Variants in RHOT1 observed in about 807,000 individuals in gnomAD.
RHOT1 encodes mitochondrial Rho GTPase 1.
Under a neutral mutation model 95.3 loss-of-function variants are expected in RHOT1, and 27 were observed. The observed-to-expected ratio is 0.28, with a 90% CI of 0.21 to 0.39. The LOEUF (loss-of-function observed/expected upper bound fraction) is 0.39, where lower values mean the gene tolerates loss of function less well. Ranked by LOEUF, RHOT1 falls within the 10% of genes least tolerant of loss-of-function variation. The pLI, the probability that RHOT1 is intolerant of heterozygous loss-of-function variation, is 1.00. For missense variants in RHOT1, 578 were observed against 786.7 expected, an observed-to-expected ratio of 0.73 and a Z score of 3.17; for synonymous variants, 227 against 263.5, an observed-to-expected ratio of 0.86 and a Z score of 1.34.
chr17:32,209,278 T>G, intron 18 of RHOT1: 1 of 745,696 alleles, frequency 1.3e-6, no homozygotes, highest in Non-Finnish European at 2.1e-6. Flanking sequence ...GTCATTCCTA[T>G]TATTATAGAA....
chr17:32,190,158 T>A (rs1245762082), intron 8 of RHOT1, among the ~76,000 whole-genome samples: 1 of 152,156 alleles, frequency 6.6e-6, no homozygotes, highest in East Asian at 1.9e-4. Flanking sequence ...CAAGCTTTAA[T>A]GAAAAGTGCA....
At chr17:32,186,304 A>G (rs2036046154) in intron 8 of RHOT1, among the ~76,000 whole-genome samples, 2 of 150,540 alleles carry the variant, frequency 1.3e-5, no homozygotes, top group South Asian at 4.2e-4. Flanking sequence ...GTAATTTTTC[A>G]TGTGCTTATT....
intron 1 of RHOT1, among the ~76,000 whole-genome samples, chr17:32,169,778 G>C (rs762564612): frequency 1.3e-5 from 2 of 152,112 alleles, no homozygotes; most frequent in Non-Finnish European, 2.9e-5. Flanking sequence ...AGCTGAGGCA[G>C]GTGGATTGCT....
At chr17:32,211,374 A>C in intron 19 of RHOT1, 136 bp downstream of exon 19, 10 of 682,264 alleles carry the variant, frequency 1.5e-5, no homozygotes, top group Non-Finnish European at 2.0e-5. Context: ...TAAAATTCTC[A>C]CTGTGATGAC....
In RHOT1 at chr17:32,211,194, G is replaced by C; in HGVS notation, c.1818G>C (p.Leu606Phe). 5.6e-6 allele frequency: 9 copies of C among 1,612,564 alleles called. No homozygotes were observed. The highest frequency in any genetic ancestry group is 7.6e-6 in the Non-Finnish European group (9 of 1,178,894). ...GTCAGAACTTCCTCAACTCAGACTT[G>C]CTGCAATCTGTAAAGAACAAAATCT... is the stretch of plus-strand genomic sequence containing the variant. ...CICQNFLNSDLLQSVKNKIFT... is the reference protein window; with the variant it reads ...CICQNFLNSDFLQSVKNKIFT... The change falls in exon 19 of 20, where the codon TTG becomes TTC. Residue 606 changes from leucine to phenylalanine, a missense_variant. Physicochemically the swap from Leu to Phe is conservative, Grantham distance 22. This residue lies in a region of RHOT1 where 296 missense variants were observed against 338.5 expected (regional missense o/e 0.87). Coordinates refer to ENST00000545287, the MANE Select transcript of RHOT1 (RefSeq NM_001033566.3).
At chr17:32,184,163 A>G (rs188132171) in intron 8 of RHOT1, among the ~76,000 whole-genome samples, 19 of 152,310 alleles carry the variant, frequency 1.2e-4, no homozygotes, top group African/African-American at 4.1e-4. Context: ...AAGTTATGCA[A>G]TCATCACCAC....
At chr17:32,209,555 G>A (rs908353176) in intron 18 of RHOT1, 6 of 636,308 alleles carry the variant, frequency 9.4e-6, no homozygotes, top group Non-Finnish European at 2.7e-6. Flanking sequence ...ATGTAGAAAC[G>A]CACTGCTTGG....
chr17:32,158,616 C>T (rs902584817), intron 1 of RHOT1, among the ~76,000 whole-genome samples: 6 of 151,998 alleles, frequency 3.9e-5, no homozygotes, highest in Non-Finnish European at 5.9e-5. Flanking sequence ...CATGCCACCA[C>T]GCCCGGCTAA....
Position 32,182,855 on chromosome 17 carries a change from C to A in RHOT1, c.428C>A (p.Thr143Asn). 1 of 1,548,588 alleles carries A rather than the reference C, an allele frequency of 6.5e-7. No homozygotes were observed. The highest frequency in any genetic ancestry group is 8.9e-7 in the Non-Finnish European group (1 of 1,128,904). ...ATGAACCAGTATACAGAAATAGAAA[C>A]CTGTGTGGAGGTATGCCTTGTAATT... ...PIMNQYTEIE[T>N]CVECSAKNLK... Residue 143 changes from threonine to asparagine, a missense_variant, in exon 7 of 20, where the codon ACC (threonine) becomes AAC (asparagine). Around this residue, in one of 4 missense-constraint regions of RHOT1, gnomAD observed 227 missense variants for 316.0 expected, o/e 0.72. Transcript: ENST00000545287.
chr17:32,200,409 G>A, intron 13 of RHOT1, among the ~76,000 whole-genome samples: 1 of 152,088 alleles, frequency 6.6e-6, no homozygotes, highest in South Asian at 2.1e-4. Context: ...AGATGGAGTA[G>A]AGAGAGGAAT....
intron 19 of RHOT1, among the ~76,000 whole-genome samples, chr17:32,221,383 A>T (rs1315217546): frequency 6.6e-6 from 1 of 151,928 alleles, no homozygotes; most frequent in African/African-American, 2.4e-5. Context: ...AAAAAAAAAA[A>T]AAAAGAAAGA....
At chr17:32,156,468 A>C (rs1034560911) in intron 1 of RHOT1, among the ~76,000 whole-genome samples, 2 of 152,100 alleles carry the variant, frequency 1.3e-5, no homozygotes, top group African/African-American at 4.8e-5. Flanking sequence ...GCGGGGTCTC[A>C]CTGTGTTGCC....
chr17:32,211,394 T>C (rs571897670), intron 19 of RHOT1, 156 bp downstream of exon 19: 10 of 551,342 alleles, frequency 1.8e-5, no homozygotes, highest in East Asian at 3.0e-5. Context: ...CAATGTTTAG[T>C]TTTGGAAGCA....
intron 19 of RHOT1, among the ~76,000 whole-genome samples, chr17:32,212,387 C>A (rs1451767711): frequency 6.6e-6 from 1 of 152,192 alleles, no homozygotes; most frequent in Non-Finnish European, 1.5e-5. Context: ...TTGAAGGGAT[C>A]ACCGCACCCA....
At chr17:32,206,441 C>CT (rs34176535) in intron 16 of RHOT1, among the ~76,000 whole-genome samples, 1,599 of 67,060 alleles carry the variant, frequency 0.024, 375 homozygotes, top group Non-Finnish European at 0.034. Flanking sequence ...TCTATACTTT[C>CT]TTTTTTTTTT....
chr17:32,173,677 C>T (rs760895222), intron 2 of RHOT1, among the ~76,000 whole-genome samples, 154 bp from the exon 3 acceptor site: 2 of 150,446 alleles, frequency 1.3e-5, no homozygotes, highest in Non-Finnish European at 3.0e-5. Flanking sequence ...CGCACCACTG[C>T]ACTCTAGCCT....
At chr17:32,187,615 C>T (rs747828188) in intron 8 of RHOT1, among the ~76,000 whole-genome samples, 35 of 152,264 alleles carry the variant, frequency 2.3e-4, no homozygotes, top group East Asian at 3.9e-4. Context: ...GATGGAGTCT[C>T]GCTCTGTTGC....
intron 8 of RHOT1, among the ~76,000 whole-genome samples, chr17:32,184,796 A>C (rs2035908365): frequency 6.6e-6 from 1 of 152,098 alleles, no homozygotes; most frequent in Admixed American, 6.6e-5. Flanking sequence ...GAGCCACCGC[A>C]CCTGGCTGGA....
chr17:32,224,027 C>A (rs556514117), intron 19 of RHOT1, among the ~76,000 whole-genome samples: 1 of 152,162 alleles, frequency 6.6e-6, no homozygotes, highest in Non-Finnish European at 1.5e-5. Flanking sequence ...GTTTTTTTCT[C>A]TTTAATTAGC....
Sources: gnomAD v4.1 joint callset for allele counts (sites outside exome capture counted in the v4.1 genomes callset) on GRCh38, gnomAD v4.1.1 for gene constraint, gnomAD v4.1.1 regional missense constraint, MANE v1.5 for transcripts, NCBI Gene and HGNC (gene_info 2026-07-23, HGNC 2026-07-21) for gene names.